The following NDE1 variants were observed in gnomAD, a reference collection of about 807,000 sequenced individuals.
NDE1 encodes nudE neurodevelopment protein 1, also known as nuclear distribution protein nudE homolog 1.
NDE1 carries 28 observed loss-of-function variants against 43.4 expected under a neutral mutation model. That is an observed-to-expected ratio of 0.65 (90% CI 0.48 to 0.89). The LOEUF is 0.89. Ranked by LOEUF, NDE1 falls within the 40% of genes least tolerant of loss-of-function variation. The pLI, the probability that NDE1 is intolerant of heterozygous loss-of-function variation, is 0.00. For missense variants in NDE1, 441 were observed against 434.1 expected, an observed-to-expected ratio of 1.02 and a Z score of -0.14; for synonymous variants, 184 against 172.0, an observed-to-expected ratio of 1.07 and a Z score of -0.55.
At chr16:15,677,287 A>C (rs900145064) in intron 3 of NDE1, among the ~76,000 whole-genome samples, 1 of 152,016 alleles carries the variant, frequency 6.6e-6, no homozygotes, top group Non-Finnish European at 1.5e-5. Context: ...GTAGTTTCAT[A>C]AAGAGAGAGG....
chr16:15,716,325 ATACACTTT>A (rs1438941399), intron 8 of NDE1, among the ~76,000 whole-genome samples: 2 of 152,126 alleles, frequency 1.3e-5, no homozygotes, highest in Non-Finnish European at 2.9e-5. Flanking sequence ...CCCTTGAATT[ATACACTTT>A]AAATGGGTGC....
intron 5 of NDE1, among the ~76,000 whole-genome samples, chr16:15,690,463 T>C (rs1039992813): frequency 6.1e-5 from 9 of 147,986 alleles, no homozygotes; most frequent in Admixed American, 5.5e-4. Context: ...ATTAATGTGA[T>C]TCTTACACCT....
In NDE1 at chr16:15,711,736, A is replaced by G. The variant is rs1314381084; in HGVS notation, c.948-12455A>G. ...GAGACCGAGTTTTGGTCTGTCACCC[A>G]GGCTGAAGTGCAGTGGTGCGATCTC... On this transcript the variant is annotated intron_variant, in intron 8 of 8. Coordinates refer to ENST00000396354, the MANE Select transcript of NDE1 (RefSeq NM_017668.3). Among the ~76,000 whole-genome samples, 13 of 152,176 alleles carry G rather than the reference A, an allele frequency of 8.5e-5. No homozygotes were observed. In the East Asian group the frequency reaches 2.3e-3, roughly 27 times the overall value.
intron 4 of NDE1, among the ~76,000 whole-genome samples, chr16:15,679,330 T>C (rs1211225796): frequency 6.6e-6 from 1 of 152,074 alleles, no homozygotes; most frequent in Non-Finnish European, 1.5e-5. Flanking sequence ...TCATTCTTTT[T>C]CTCCTGTCCG....
intron 8 of NDE1, among the ~76,000 whole-genome samples, chr16:15,708,271 C>G (rs1244068896): frequency 6.6e-6 from 1 of 152,186 alleles, no homozygotes; most frequent in Non-Finnish European, 1.5e-5. Flanking sequence ...AAAGCTGAAT[C>G]ATGGGAGGAC....
chr16:15,672,538 C>T (rs1433789752), intron 3 of NDE1: 1 of 152,172 alleles, frequency 6.6e-6, no homozygotes, highest in Admixed American at 6.6e-5. Flanking sequence ...GGCCGGACTT[C>T]TTAACAACTG....
intron 8 of NDE1, chr16:15,714,295 T>TACC (rs898505336): frequency 3.2e-5 from 5 of 155,798 alleles, no homozygotes; most frequent in African/African-American, 9.6e-5. Context: ...GTGGCAGTCG[T>TACC]ACCCTCCCAT....
chr16:15,720,443 G>A lies in NDE1; in HGVS notation c.948-3748G>A, dbSNP rs1028905092. The A allele has an allele frequency of 5.4e-6, 7 of 1,287,160 alleles. No individual in the cohort carries two copies. In the East Asian group the frequency reaches 1.8e-4, roughly 33 times the overall value. 79.7% of individuals were successfully genotyped at this position (1,287,160 alleles called of 1,614,324 possible). On this transcript the variant is annotated intron_variant, in intron 8 of 8. Transcript: ENST00000396354. The stretch of plus-strand genomic sequence containing the variant: ...TGAGGTGGGCATCTCATCCCCAGTT[G>A]CAGATGAGAAAACGGAATCACGCCG...
At position 15,725,588 on chromosome 16, in the gene NDE1, C is replaced by T. The variant is rs531370712; in HGVS notation, c.*1337C>T. 1 of 406,630 alleles carries T rather than the reference C, an allele frequency of 2.5e-6. No homozygotes were observed. The highest frequency in any genetic ancestry group is 4.3e-6 in the Non-Finnish European group (1 of 230,244). 25.2% of individuals were successfully genotyped at this position (406,630 alleles called of 1,614,324 possible). A position where few individuals can be genotyped will look rare whatever the true frequency, so the allele number is the denominator to read the frequency against. ...AGGCTGTTAGCCTACCCCTCCATCT[C>T]TTCCATTGACAAGGAGGATATGAAT... is the stretch of plus-strand genomic sequence containing the variant. On this transcript the variant is annotated 3_prime_UTR_variant, in exon 9 of 9. Coordinates refer to ENST00000396354, the MANE Select transcript of NDE1 (RefSeq NM_017668.3).
chr16:15,678,969 G>A (rs865826544), intron 4 of NDE1, among the ~76,000 whole-genome samples: 3 of 151,900 alleles, frequency 2.0e-5, no homozygotes, highest in Admixed American at 6.6e-5. Flanking sequence ...CCAGCTAGTC[G>A]GGAGGCTGAG....
intron 8 of NDE1, among the ~76,000 whole-genome samples, chr16:15,710,957 C>G (rs1017851768): frequency 6.6e-6 from 1 of 152,164 alleles, no homozygotes; most frequent in Non-Finnish European, 1.5e-5. Context: ...GGATTACAGG[C>G]GTGAGCCACC....
intron 8 of NDE1, chr16:15,721,682 C>G (rs771836311): frequency 6.3e-7 from 1 of 1,595,560 alleles, no homozygotes; most frequent in Non-Finnish European, 8.6e-7. Flanking sequence ...CCGGGGTCAG[C>G]GTCACTGAAT....
intron 8 of NDE1, among the ~76,000 whole-genome samples, chr16:15,697,991 C>T (rs1345490050): frequency 6.6e-6 from 1 of 151,572 alleles, no homozygotes; most frequent in African/African-American, 2.4e-5. Context: ...TATTTTTAGT[C>T]GAGACGGGGT....
intron 8 of NDE1, among the ~76,000 whole-genome samples, chr16:15,709,490 T>C (rs1221023039): frequency 6.6e-6 from 1 of 152,138 alleles, no homozygotes; most frequent in Non-Finnish European, 1.5e-5. Context: ...AATTTTCATA[T>C]TTTTAGTAGA....
chr16:15,714,953 G>A lies in NDE1; in HGVS notation c.948-9238G>A, dbSNP rs146391904. The stretch of plus-strand genomic sequence containing the variant: ...CGTTCACCTCGCGGCCCATGGCCTC[G>A]TTGCTCTCCGTGGCCTCATCCAGCT... On this transcript the variant is annotated intron_variant, in intron 8 of 8. Coordinates refer to ENST00000396354, the MANE Select transcript of NDE1 (RefSeq NM_017668.3). 126 of 1,613,982 alleles carry A rather than the reference G, an allele frequency of 7.8e-5. No homozygotes were observed. Among genetic ancestry groups the A allele is most frequent in the Non-Finnish European group, 1.0e-4 (122 of 1,180,052 alleles).
At chr16:15,650,387 C>CGGGACCCCGGGCCACCGCCTGGCA (rs2036438174) in intron 1 of NDE1, 93 bp downstream of exon 1, 1 of 166,016 alleles carries the variant, frequency 6.0e-6, no homozygotes, top group Non-Finnish European at 1.3e-5. Context: ...CCCAGGATCC[C>CGGGACCCCGGGCCACCGCCTGGCA]GGGACCCCGG....
chr16:15,703,255 G>C (rs1408251776), intron 8 of NDE1: 1 of 218,576 alleles, frequency 4.6e-6, no homozygotes, highest in Non-Finnish European at 9.2e-6. Flanking sequence ...TGTGACTACA[G>C]AAGGCACTTG....
At chr16:15,666,544 G>A (rs2037316376) in intron 2 of NDE1, among the ~76,000 whole-genome samples, 1 of 152,166 alleles carries the variant, frequency 6.6e-6, no homozygotes. Flanking sequence ...GGGAGGTCGA[G>A]GCTGCAGTGA....
intron 8 of NDE1, chr16:15,714,662 C>T (rs955066780): frequency 2.0e-5 from 12 of 593,186 alleles, no homozygotes; most frequent in African/African-American, 5.6e-5. Flanking sequence ...GCCGGAGGAC[C>T]GGATGGGAGA....
Sources: allele counts gnomAD v4.1 joint callset (sites outside exome capture counted in the v4.1 genomes callset), GRCh38; gene constraint gnomAD v4.1.1; transcripts MANE v1.5; gene names NCBI Gene and HGNC (gene_info 2026-07-23, HGNC 2026-07-21).